The following RBM27 variants were observed in gnomAD, a reference collection of about 807,000 sequenced individuals.
RBM27 encodes the protein RNA-binding protein 27.
A neutral mutation model predicts 135.3 loss-of-function variants in RBM27; 22 were observed. That is an observed-to-expected ratio of 0.16 (90% CI 0.12 to 0.23). RBM27 has a LOEUF of 0.23. Among genes scored for constraint, RBM27 ranks in the 10% least tolerant of loss-of-function variants. The probability of loss-of-function intolerance (pLI) is 1.00; values close to 1 mark genes in which losing one functional copy is unlikely to be tolerated. For synonymous variants in RBM27, 481 were observed against 442.4 expected, an observed-to-expected ratio of 1.09 and a Z score of -1.10; for missense variants, 1,009 against 1,281.0, an observed-to-expected ratio of 0.79 and a Z score of 3.24.
chr5:146,233,795 C>T, intron 7 of RBM27, 52 bp downstream of exon 7: 1 of 1,278,016 alleles, frequency 7.8e-7, no homozygotes, highest in East Asian at 2.8e-5. Flanking sequence ...AGAAGAACCT[C>T]ATCCCTTTTA....
intron 19 of RBM27, among the ~76,000 whole-genome samples, chr5:146,278,672 A>G (rs1169280917): frequency 6.6e-6 from 1 of 151,906 alleles, no homozygotes; most frequent in Non-Finnish European, 1.5e-5. Flanking sequence ...TTGCACAGAT[A>G]TATAATACTA....
chr5:146,256,300 A>G (rs1054042755), intron 10 of RBM27, among the ~76,000 whole-genome samples: 1 of 146,556 alleles, frequency 6.8e-6, no homozygotes, highest in African/African-American at 2.5e-5. Context: ...TTTTATATAT[A>G]TATTATTTAT....
chr5:146,255,059 C>T lies in RBM27; in HGVS notation c.1561C>T (p.Leu521=), dbSNP rs770830604. 27 of 1,612,608 alleles carry T rather than the reference C, an allele frequency of 1.7e-5. No individual in the cohort carries two copies. The Admixed American group carries it at 2.7e-4, about 16-fold the overall frequency. ...GACACAGCGTCCCAATCTGATTGGC[C>T]TAACATCTGGAGATATGGATGTAAA... ...TQTQRPNLIG[L]TSGDMDVNPR... The change falls in exon 10 of 21, where the codon CTA becomes TTA. Residue 521 remains leucine, a synonymous_variant. Coordinates refer to ENST00000265271, the MANE Select transcript of RBM27 (RefSeq NM_018989.2).
intron 8 of RBM27, among the ~76,000 whole-genome samples, chr5:146,240,815 G>A (rs1037172849): frequency 3.3e-5 from 5 of 151,858 alleles, no homozygotes; most frequent in Admixed American, 2.0e-4. Flanking sequence ...TTAGTATCTC[G>A]CTGTATTCTG....
rs749237861 is a variant in RBM27 at position 146,237,361 on chromosome 5, C to T, written c.1208C>T (p.Pro403Leu). 2 of 1,614,106 alleles carry T rather than the reference C, an allele frequency of 1.2e-6. No individual in the cohort carries two copies. Among genetic ancestry groups the T allele is most frequent in the East Asian group, 2.2e-5 (1 of 44,872 alleles). The stretch of plus-strand genomic sequence containing the variant: ...GACCAGCCTGGGACAAGTGCAGTGC[C>T]CAATCTTGCATCAGTGGGAACAAGA... Reference protein sequence around the residue: ...SRDQPGTSAVPNLASVGTRLP... With the variant: ...SRDQPGTSAVLNLASVGTRLP... The change falls in exon 8 of 21, where the codon CCC (proline) becomes CTC (leucine). Residue 403 changes from proline to leucine, a missense_variant. Pro to Leu is a moderately conservative substitution (Grantham distance 98). Around this residue, in one of 6 missense-constraint regions of RBM27, gnomAD observed 329 missense variants for 368.1 expected, o/e 0.89. Transcript: ENST00000265271.
Position 146,288,693 on chromosome 5 carries a change from A to G in RBM27, c.*2663A>G, listed in dbSNP as rs1759679194. The G allele has an allele frequency of 6.6e-6, 1 of 152,108 alleles. No individual in the cohort carries two copies. Among genetic ancestry groups the G allele is most frequent in the South Asian group, 2.1e-4 (1 of 4,828 alleles). The allele number at this position is 152,108 out of a possible 1,614,324, so 9.4% of individuals were successfully genotyped here. A position where few individuals can be genotyped will look rare whatever the true frequency, so the allele number is the denominator to read the frequency against. On this transcript the variant is annotated 3_prime_UTR_variant, in exon 21 of 21. Transcript: ENST00000265271. ...CTTTTTAAGTAGCTGATCAGCAATA[A>G]TAGCCACCAGTTGACTAGGTCAGCC...
intron 8 of RBM27, among the ~76,000 whole-genome samples, chr5:146,240,276 A>G (rs1298746765): frequency 6.6e-6 from 1 of 150,922 alleles, no homozygotes; most frequent in African/African-American, 2.5e-5. Flanking sequence ...TACTTGGAAG[A>G]CATGATTGCT....
At chr5:146,249,709 TAAAAAAA>T (rs71581865) in intron 8 of RBM27, among the ~76,000 whole-genome samples, 1 of 140,122 alleles carries the variant, frequency 7.1e-6, no homozygotes, top group Non-Finnish European at 1.5e-5. Context: ...AAAGAAAAAG[TAAAAAAA>T]AAAGAAAAAA....
At position 146,203,655 on chromosome 5, in the gene RBM27, C is replaced by T; in HGVS notation, c.-111C>T. On this transcript the variant is annotated 5_prime_UTR_variant, in exon 1 of 21. Transcript: ENST00000265271. ...GAGTAGGTTGAAGTCTCCTAAGATG[C>T]CCGGTGGGCTGGGGCACCGGGAGCT... The T allele has an allele frequency of 2.0e-6, 2 of 1,001,426 alleles. No homozygotes were observed. Among genetic ancestry groups the T allele is most frequent in the South Asian group, 1.4e-5 (1 of 70,516 alleles). The allele number at this position is 1,001,426 out of a possible 1,614,324, so 62.0% of individuals were successfully genotyped here. A position where few individuals can be genotyped will look rare whatever the true frequency, so the allele number is the denominator to read the frequency against.
chr5:146,267,879 T>C (rs1758685203), intron 15 of RBM27, 111 bp downstream of exon 15: 6 of 1,088,966 alleles, frequency 5.5e-6, no homozygotes, highest in Non-Finnish European at 8.0e-6. Flanking sequence ...AACATCATAA[T>C]GCTTATTTAG....
chr5:146,288,987 TATA>T lies in RBM27; in HGVS notation c.*2961_*2963del, dbSNP rs1020307370. Reference sequence around the variant, plus strand: ...ACAAAATTGTGAACTTGTGTAATAGTATAATAGGAGATATTGTTGAATTTCTAA... The same window carrying T: ...ACAAAATTGTGAACTTGTGTAATAGTATAGGAGATATTGTTGAATTTCTAA... On this transcript the variant is annotated 3_prime_UTR_variant, in exon 21 of 21. Coordinates refer to ENST00000265271, the MANE Select transcript of RBM27 (RefSeq NM_018989.2). 3 of 152,122 alleles carry T rather than the reference TATA, an allele frequency of 2.0e-5. No individual in the cohort carries two copies. The highest frequency in any genetic ancestry group is 7.2e-5 in the African/African-American group (3 of 41,462). 9.4% of individuals were successfully genotyped at this position (152,122 alleles called of 1,614,324 possible). A position where few individuals can be genotyped will look rare whatever the true frequency, so the allele number is the denominator to read the frequency against.
intron 1 of RBM27, among the ~76,000 whole-genome samples, chr5:146,211,438 A>G (rs1269758410): frequency 3.3e-5 from 4 of 120,658 alleles, no homozygotes. Context: ...CTCCATTTTT[A>G]CTTACTTTGT....
At chr5:146,248,137 T>G (rs1757710591) in intron 8 of RBM27, among the ~76,000 whole-genome samples, 1 of 152,254 alleles carries the variant, frequency 6.6e-6, no homozygotes, top group South Asian at 2.1e-4. Context: ...TCATGAATTT[T>G]TAACATTTGA....
chr5:146,208,991 G>T (rs1367267659), intron 1 of RBM27, among the ~76,000 whole-genome samples: 2 of 152,160 alleles, frequency 1.3e-5, no homozygotes, highest in African/African-American at 4.8e-5. Flanking sequence ...AGACATTGTT[G>T]TGTGAATCGG....
chr5:146,243,040 C>A (rs538416871), intron 8 of RBM27, among the ~76,000 whole-genome samples: 2 of 151,828 alleles, frequency 1.3e-5, no homozygotes, highest in African/African-American at 4.8e-5. Flanking sequence ...CTAAGGCAGG[C>A]GGATCACCTG....
intron 4 of RBM27, among the ~76,000 whole-genome samples, chr5:146,229,510 T>G (rs545642072): frequency 6.6e-6 from 1 of 152,198 alleles, no homozygotes; most frequent in African/African-American, 2.4e-5. Flanking sequence ...ACCTCTTTTT[T>G]TCATTTCTCC....
intron 17 of RBM27, among the ~76,000 whole-genome samples, chr5:146,270,203 T>C (rs1758803360): frequency 6.6e-6 from 1 of 152,194 alleles, no homozygotes. Flanking sequence ...TCCATGTGTT[T>C]CCTTGCTGTA....
intron 1 of RBM27, 122 bp downstream of exon 1, chr5:146,203,946 A>T (rs1755506632): frequency 1.0e-6 from 1 of 987,084 alleles, no homozygotes; most frequent in Admixed American, 3.1e-5. Context: ...GGTCCCGGCG[A>T]CGCCTTCCCT....
At chr5:146,283,942 G>A (rs1303131076) in intron 19 of RBM27, among the ~76,000 whole-genome samples, 1 of 152,146 alleles carries the variant, frequency 6.6e-6, no homozygotes, top group Non-Finnish European at 1.5e-5. Context: ...CTACTTTTCT[G>A]AAACTTTGGA....
Sources: gnomAD v4.1 joint callset for allele counts (sites outside exome capture counted in the v4.1 genomes callset) on GRCh38, gnomAD v4.1.1 for gene constraint, gnomAD v4.1.1 regional missense constraint, MANE v1.5 for transcripts, NCBI Gene and HGNC (gene_info 2026-07-23, HGNC 2026-07-21) for gene names.